The following ATP6V1B2 variants were observed in gnomAD, a reference collection of about 807,000 sequenced individuals.
The protein encoded by ATP6V1B2 is V-type proton ATPase subunit B, brain isoform.
A neutral mutation model predicts 66.7 loss-of-function variants in ATP6V1B2; 23 were observed. The observed-to-expected ratio is 0.34, with a 90% CI of 0.25 to 0.49. ATP6V1B2 has a LOEUF of 0.49. Ranked by LOEUF, ATP6V1B2 falls within the 20% of genes least tolerant of loss-of-function variation. ATP6V1B2 has a pLI of 0.99. For synonymous variants in ATP6V1B2, 278 were observed against 236.7 expected, an observed-to-expected ratio of 1.17 and a Z score of -1.60; for missense variants, 478 against 650.8, an observed-to-expected ratio of 0.73 and a Z score of 2.89.
At position 20,214,417 on chromosome 8, in the gene ATP6V1B2, C is replaced by A. The variant is rs138515939; in HGVS notation, c.928-401C>A. The A allele has an allele frequency of 3.7e-3, 581 of 155,114 alleles. 4 individuals are homozygous for A. The highest frequency in any genetic ancestry group is 6.2e-3 in the Non-Finnish European group (435 of 70,064). The allele number at this position is 155,114 out of a possible 1,614,324, so 9.6% of individuals were successfully genotyped here. On this transcript the variant is annotated intron_variant, in intron 9 of 13. Transcript: ENST00000276390. ...AGCAGATGATTCCTCGTGTACATTTCCTTCCCTTTTGACCTTTTTGGGATT... is the reference window on the plus strand; with the variant it reads ...AGCAGATGATTCCTCGTGTACATTTACTTCCCTTTTGACCTTTTTGGGATT...
chr8:20,211,338 C>G (rs567628639), intron 6 of ATP6V1B2, 22 bp downstream of exon 6: 82 of 1,600,312 alleles, frequency 5.1e-5, no homozygotes, highest in Non-Finnish European at 6.4e-5. Flanking sequence ...GATCGGTTTG[C>G]TATGAAGTTT....
At chr8:20,217,362 G>A (rs1395773042) in intron 12 of ATP6V1B2, 38 bp downstream of exon 12, 1 of 1,536,658 alleles carries the variant, frequency 6.5e-7, no homozygotes, top group Non-Finnish European at 9.0e-7. Flanking sequence ...TTGAAAATAT[G>A]GATACGTTTC....
chr8:20,216,944 A>T (rs368625264), intron 11 of ATP6V1B2: 34 of 380,846 alleles, frequency 8.9e-5, no homozygotes, highest in East Asian at 5.0e-4. Context: ...AGTACTTATC[A>T]AACAGATGTT....
Position 20,210,557 on chromosome 8 carries a change from ACTGATTT to A in ATP6V1B2, c.386-9_386-3del. The A allele has an allele frequency of 1.9e-6, 3 of 1,613,514 alleles. No individual in the cohort carries two copies. The highest frequency in any genetic ancestry group is 2.5e-6 in the Non-Finnish European group (3 of 1,179,524). ...AGCATCTACTCTGTCCTGTCTTCTTACTGATTTCTAGGTCGGGTATTCAATGGATCGG... is the reference window on the plus strand; with the variant it reads ...AGCATCTACTCTGTCCTGTCTTCTTACTAGGTCGGGTATTCAATGGATCGG... On this transcript the variant is annotated splice_polypyrimidine_tract_variant and splice_region_variant and intron_variant, in intron 4 of 13. Transcript: ENST00000276390.
chr8:20,204,275 A>T (rs190064543), intron 1 of ATP6V1B2, among the ~76,000 whole-genome samples: 1 of 152,210 alleles, frequency 6.6e-6, no homozygotes, highest in Non-Finnish European at 1.5e-5. Context: ...TAAGGATTCA[A>T]AATATTTTTG....
intron 1 of ATP6V1B2, among the ~76,000 whole-genome samples, chr8:20,201,647 C>T (rs1009342723): frequency 3.9e-5 from 6 of 152,136 alleles, no homozygotes; most frequent in Non-Finnish European, 7.4e-5. Context: ...AAAAACAAAA[C>T]AGTTAGAAGC....
chr8:20,198,054 G>A (rs753137176), intron 1 of ATP6V1B2, among the ~76,000 whole-genome samples: 2 of 152,210 alleles, frequency 1.3e-5, no homozygotes, highest in Non-Finnish European at 2.9e-5. Context: ...TAGCCAGAGG[G>A]AGATGTGGCT....
At chr8:20,203,291 G>T (rs140344856) in intron 1 of ATP6V1B2, among the ~76,000 whole-genome samples, 44 of 152,324 alleles carry the variant, frequency 2.9e-4, no homozygotes, top group African/African-American at 9.9e-4. Context: ...TAAACGTCCT[G>T]TTAGCAGGAA....
Position 20,216,444 on chromosome 8 carries a change from C to G in ATP6V1B2, c.1110C>G (p.Gly370=). The part of the protein sequence containing the change: ...DITHPIPDLT[G]YITEGQIYVD... ...CTCACCCCATCCCAGACTTGACTGG[C>G]TACATTACAGAGGGGCAGATCTATG... The change falls in exon 11 of 14, where the codon GGC becomes GGG. Residue 370 remains glycine (G), a synonymous_variant. Transcript: ENST00000276390. 2 of 1,613,314 alleles carry G rather than the reference C, an allele frequency of 1.2e-6. No individual in the cohort carries two copies. Among genetic ancestry groups the G allele is most frequent in the Non-Finnish European group, 1.7e-6 (2 of 1,179,438 alleles).
chr8:20,209,501 G>T lies in ATP6V1B2; in HGVS notation c.261G>T (p.Leu87=). The T allele has an allele frequency of 1.9e-6, 3 of 1,614,000 alleles. No homozygotes were observed. The highest frequency in any genetic ancestry group is 2.5e-6 in the Non-Finnish European group (3 of 1,179,948). ...GCACAAAGAGAAGTGGGCAAGTTCT[G>T]GAAGTTAGTGGTTCCAAGGCAGTAG... is the stretch of plus-strand genomic sequence containing the variant. ...PDGTKRSGQV[L]EVSGSKAVVQ... is the part of the protein sequence containing the mutation. Residue 87 remains leucine, a synonymous_variant, in exon 3 of 14, where the codon CTG becomes CTT. Coordinates refer to ENST00000276390, the MANE Select transcript of ATP6V1B2 (RefSeq NM_001693.4).
intron 3 of ATP6V1B2, 107 bp from the exon 4 acceptor site, chr8:20,210,239 A>G: frequency 1.2e-6 from 1 of 817,954 alleles, no homozygotes; most frequent in Non-Finnish European, 1.9e-6. Context: ...AAAGTAGTAT[A>G]CATTCATGGG....
At chr8:20,216,312 G>C (rs1322406785) in intron 10 of ATP6V1B2, 101 bp from the exon 11 acceptor site, 2 of 933,632 alleles carry the variant, frequency 2.1e-6, no homozygotes, top group Non-Finnish European at 1.7e-6. Context: ...GTTACAGGTA[G>C]TACAGAGGGA....
chr8:20,207,783 TGAA>T (rs2072753870), intron 2 of ATP6V1B2, among the ~76,000 whole-genome samples: 1 of 151,242 alleles, frequency 6.6e-6, no homozygotes. Context: ...TTAAAAGATA[TGAA>T]GGAGAGTAAG....
chr8:20,208,445 T>G (rs2072759340), intron 2 of ATP6V1B2, among the ~76,000 whole-genome samples: 2 of 152,300 alleles, frequency 1.3e-5, no homozygotes, highest in African/African-American at 4.8e-5. Context: ...CACAAAATAA[T>G]GATGCATCTT....
In ATP6V1B2 at chr8:20,220,849, T is replaced by G. The variant is rs2072900194; in HGVS notation, c.*447T>G. 1 of 153,696 alleles carries G rather than the reference T, an allele frequency of 6.5e-6. No individual in the cohort carries two copies. Among genetic ancestry groups the G allele is most frequent in the African/African-American group, 2.4e-5 (1 of 41,496 alleles). 9.5% of individuals were successfully genotyped at this position (153,696 alleles called of 1,614,324 possible). A position where few individuals can be genotyped will look rare whatever the true frequency, so the allele number is the denominator to read the frequency against. ...AAGGGCCAAGAGGCTCTTTCCTGAG[T>G]GTTTGCTTTCGGTTTGTTGGTATGC... On this transcript the variant is annotated 3_prime_UTR_variant, in exon 14 of 14. Transcript: ENST00000276390.
At chr8:20,214,665 CG>C in intron 9 of ATP6V1B2, 152 bp from the exon 10 acceptor site, 1 of 836,308 alleles carries the variant, frequency 1.2e-6, no homozygotes, top group Non-Finnish European at 1.6e-6. Flanking sequence ...TTTATGTTGC[CG>C]GGAGATTTTT....
chr8:20,212,630 A>T, intron 8 of ATP6V1B2, 152 bp from the exon 9 acceptor site: 2 of 1,181,706 alleles, frequency 1.7e-6, no homozygotes, highest in Non-Finnish European at 2.3e-6. Context: ...TACCTTACTT[A>T]AGAATTTGTA....
chr8:20,201,308 G>T (rs1249420460), intron 1 of ATP6V1B2, among the ~76,000 whole-genome samples: 1 of 152,126 alleles, frequency 6.6e-6, no homozygotes, highest in Non-Finnish European at 1.5e-5. Context: ...ATTTACAAAT[G>T]GGTTTTTTCC....
intron 6 of ATP6V1B2, 113 bp downstream of exon 6, chr8:20,211,429 T>C (rs1461332170): frequency 2.1e-6 from 3 of 1,436,676 alleles, no homozygotes; most frequent in Non-Finnish European, 2.8e-6. Context: ...TCAGTGTTAT[T>C]GTTTGTATAA....
Sources: gnomAD v4.1 joint callset for allele counts (sites outside exome capture counted in the v4.1 genomes callset) on GRCh38, gnomAD v4.1.1 for gene constraint, MANE v1.5 for transcripts, NCBI Gene and HGNC (gene_info 2026-07-23, HGNC 2026-07-21) for gene names.